CLEC3B: variants seen among roughly 807,000 people sequenced by gnomAD.
The protein encoded by CLEC3B is C-type lectin domain family 3 member B.
In CLEC3B, 13 loss-of-function variants were observed where a neutral mutation model predicts 15.4. That is an observed-to-expected ratio of 0.84 (90% CI 0.55 to 1.34). The LOEUF is 1.34. CLEC3B is among the 40% of genes most tolerant of loss of function. The pLI, the probability that CLEC3B is intolerant of heterozygous loss-of-function variation, is 0.00. For missense variants in CLEC3B, 242 were observed against 268.6 expected (o/e 0.90, Z 0.69); for synonymous variants, 112 against 114.7 (o/e 0.98, Z 0.15).
In CLEC3B at chr3:45,026,304, T is replaced by TCACTGC. The variant is rs1406099077; in HGVS notation, c.-58_-53dup. On this transcript the variant is annotated 5_prime_UTR_variant, in exon 1 of 3. Coordinates refer to ENST00000296130, the MANE Select transcript of CLEC3B (RefSeq NM_003278.3). ...AGACGTGCAGCCTGGGCCGTGGCTG[T>TCACTGC]CACTGCGTTCGGACCCAGACCCGCT... The TCACTGC allele has an allele frequency of 1.4e-6, 2 of 1,426,964 alleles. No individual in the cohort carries two copies. The highest frequency in any genetic ancestry group is 2.0e-6 in the Non-Finnish European group (2 of 1,020,840). The allele number at this position is 1,426,964 out of a possible 1,614,324, so 88.4% of individuals were successfully genotyped here.
rs538350254 is a variant in CLEC3B, at chr3:45,033,682, G to A, written c.209-1842G>A. Among the ~76,000 whole-genome samples the A allele has an allele frequency of 3.3e-5, 5 of 152,314 alleles. No individual in the cohort carries two copies. The South Asian group carries it at 1.0e-3, about 32-fold the overall frequency. ...AAGCAGATGGCAGGGCAGGAGCAGA[G>A]GTGTGGAGGACTAGCATAAATCGAC... On this transcript the variant is annotated intron_variant, in intron 2 of 2. Coordinates refer to ENST00000296130, the MANE Select transcript of CLEC3B (RefSeq NM_003278.3).
intron 1 of CLEC3B, among the ~76,000 whole-genome samples, chr3:45,027,164 T>C (rs951989542): frequency 1.3e-5 from 2 of 152,166 alleles, no homozygotes; most frequent in African/African-American, 2.4e-5. Flanking sequence ...ATCAGTGGAA[T>C]GTCATGGCAA....
chr3:45,027,452 ATCATCT>A (rs1435712281), intron 1 of CLEC3B, among the ~76,000 whole-genome samples: 5 of 152,274 alleles, frequency 3.3e-5, no homozygotes, highest in Non-Finnish European at 5.9e-5. Context: ...TGATAAAAAA[ATCATCT>A]TCAAGATTCA....
Position 45,035,928 on chromosome 3 carries a change from GC to G in CLEC3B, c.*5del, listed in dbSNP as rs1377512582. 2 of 1,579,884 alleles carry G rather than the reference GC, an allele frequency of 1.3e-6. No individual in the cohort carries two copies. The highest frequency in any genetic ancestry group is 1.7e-6 in the Non-Finnish European group (2 of 1,162,106). On this transcript the variant is annotated 3_prime_UTR_variant, in exon 3 of 3. Coordinates refer to ENST00000296130, the MANE Select transcript of CLEC3B (RefSeq NM_003278.3). Reference sequence around the variant, plus strand: ...CTGCCAGTTCGGGATCGTGTAGCCGGCGGGGCGGGGGCCGTGGGGGGCCTGG... The same window carrying G: ...CTGCCAGTTCGGGATCGTGTAGCCGGGGGGCGGGGGCCGTGGGGGGCCTGG...
At chr3:45,027,116 G>A (rs1277062953) in intron 1 of CLEC3B, among the ~76,000 whole-genome samples, 4 of 152,196 alleles carry the variant, frequency 2.6e-5, no homozygotes, top group African/African-American at 7.2e-5. Context: ...TTGCAGCCCC[G>A]CCTGCAGTGA....
intron 1 of CLEC3B, among the ~76,000 whole-genome samples, chr3:45,027,713 T>C (rs371184413): frequency 1.4e-4 from 21 of 152,306 alleles, no homozygotes; most frequent in African/African-American, 4.8e-4. Flanking sequence ...TATGTGTGTA[T>C]ATTACCTTCC....
Position 45,035,767 on chromosome 3 carries a change from G to C in CLEC3B, c.452G>C (p.Arg151Pro). The C allele has an allele frequency of 1.9e-6, 3 of 1,613,670 alleles. No homozygotes were observed. The highest frequency in any genetic ancestry group is 2.5e-6 in the Non-Finnish European group (3 of 1,179,982). The change falls in exon 3 of 3, where the codon CGC becomes CCC. Residue 151 changes from arginine (R) to proline (P), a missense_variant. By Grantham distance (103) the Arg-to-Pro change is moderately radical. Transcript: ENST00000296130. ...EGTWVDMTGA[R>P]IAYKNWETEI... The stretch of plus-strand genomic sequence containing the variant: ...ACCTGGGTGGACATGACCGGCGCCC[G>C]CATCGCCTACAAGAACTGGGAGACT...
intron 1 of CLEC3B, 30 bp downstream of exon 1, chr3:45,026,501 C>T (rs1339770207): frequency 6.3e-7 from 1 of 1,584,946 alleles, no homozygotes; most frequent in South Asian, 1.1e-5. Context: ...CCTGTGCCAT[C>T]TTCCAGGGAG....
At chr3:45,032,274 G>T (rs557007020) in intron 2 of CLEC3B, among the ~76,000 whole-genome samples, 2 of 152,196 alleles carry the variant, frequency 1.3e-5, no homozygotes, top group South Asian at 4.1e-4. Flanking sequence ...CCATTCATAT[G>T]CTTTCCTTCA....
chr3:45,034,845 G>A (rs966138688), intron 2 of CLEC3B, among the ~76,000 whole-genome samples: 2 of 152,190 alleles, frequency 1.3e-5, no homozygotes, highest in Admixed American at 1.3e-4. Flanking sequence ...GCCCTCAGGA[G>A]AACTGACCCT....
At position 45,035,672 on chromosome 3, in the gene CLEC3B, G is replaced by A. The variant is rs753163098; in HGVS notation, c.357G>A (p.Glu119=). ...GCTCGGAGAACGACGCCCTGTATGA[G>A]TACCTGCGCCAGAGCGTGGGCAACG... ...QTGSENDALY[E]YLRQSVGNEA... is the part of the protein sequence containing the mutation. The change falls in exon 3 of 3, where the codon GAG becomes GAA. Residue 119 remains glutamate, a synonymous_variant. Coordinates refer to ENST00000296130, the MANE Select transcript of CLEC3B (RefSeq NM_003278.3). 1.9e-6 allele frequency: 3 copies of A among 1,613,774 alleles called. No individual in the cohort carries two copies. Among genetic ancestry groups the A allele is most frequent in the African/African-American group, 1.3e-5 (1 of 75,082 alleles).
intron 1 of CLEC3B, among the ~76,000 whole-genome samples, chr3:45,029,159 A>C (rs1196744902): frequency 6.6e-6 from 1 of 150,976 alleles, no homozygotes; most frequent in Non-Finnish European, 1.5e-5. Flanking sequence ...AGGTGGAGCT[A>C]ATGAGAGTAG....
In CLEC3B at chr3:45,035,623, G is replaced by T; in HGVS notation, c.308G>T (p.Gly103Val). The T allele has an allele frequency of 6.2e-7, 1 of 1,614,088 alleles. No homozygotes were observed. Among genetic ancestry groups the T allele is most frequent in the Admixed American group, 1.7e-5 (1 of 60,032 alleles). Reference protein sequence around the residue: ...EASEDCISRGGTLGTPQTGSE... With the variant: ...EASEDCISRGVTLGTPQTGSE... ...AGCGAGGACTGCATCTCGCGCGGGG[G>T]CACCCTGGGCACCCCTCAGACTGGC... Residue 103 changes from glycine to valine, a missense_variant, in exon 3 of 3, where the codon GGC (glycine) becomes GTC (valine). Physicochemically the swap from Gly to Val is moderately radical, Grantham distance 109. Transcript: ENST00000296130.
At chr3:45,026,949 A>G (rs1697492749) in intron 1 of CLEC3B, among the ~76,000 whole-genome samples, 1 of 152,246 alleles carries the variant, frequency 6.6e-6, no homozygotes, top group Non-Finnish European at 1.5e-5. Flanking sequence ...GGGAAAAGAA[A>G]AAGAAGAAGA....
intron 2 of CLEC3B, among the ~76,000 whole-genome samples, chr3:45,033,659 G>A (rs1165365139): frequency 6.6e-6 from 1 of 152,176 alleles, no homozygotes; most frequent in Non-Finnish European, 1.5e-5. Flanking sequence ...TTGATTCCAA[G>A]CAGATGGCAG....
At position 45,035,720 on chromosome 3, in the gene CLEC3B, C is replaced by A. The variant is rs776497445; in HGVS notation, c.405C>A (p.Leu135=). Residue 135 remains leucine (L), a synonymous_variant, in exon 3 of 3, where the codon CTC becomes CTA. Coordinates refer to ENST00000296130, the MANE Select transcript of CLEC3B (RefSeq NM_003278.3). ...ACGAGGCCGAGATCTGGCTGGGCCTCAACGACATGGCGGCCGAGGGCACCT... is the reference window on the plus strand; with the variant it reads ...ACGAGGCCGAGATCTGGCTGGGCCTAAACGACATGGCGGCCGAGGGCACCT... ...VGNEAEIWLG[L]NDMAAEGTWV... 6.0e-5 allele frequency: 97 copies of A among 1,613,716 alleles called. No homozygotes were observed. The highest frequency in any genetic ancestry group is 7.5e-5 in the Non-Finnish European group (89 of 1,180,016).
chr3:45,030,066 C>A, intron 1 of CLEC3B: 2 of 645,228 alleles, frequency 3.1e-6, no homozygotes, highest in Non-Finnish European at 3.8e-6. Flanking sequence ...GCTGGTGGTA[C>A]AGAATGACAC....
intron 1 of CLEC3B, among the ~76,000 whole-genome samples, chr3:45,029,927 T>C (rs761167197): frequency 1.6e-4 from 25 of 152,122 alleles, no homozygotes; most frequent in Non-Finnish European, 2.8e-4. Context: ...TTGTGTGCCA[T>C]GGGGAAGGTG....
intron 1 of CLEC3B, chr3:45,030,189 C>T: frequency 1.0e-6 from 1 of 985,898 alleles, no homozygotes; most frequent in Non-Finnish European, 1.2e-6. Flanking sequence ...TCCTTCTGCC[C>T]TCATCTTATT....
Sources: allele counts gnomAD v4.1 joint callset (sites outside exome capture counted in the v4.1 genomes callset), GRCh38; gene constraint gnomAD v4.1.1; transcripts MANE v1.5; gene names NCBI Gene and HGNC (gene_info 2026-07-23, HGNC 2026-07-21).